Variants in SH3D19 observed in about 807,000 individuals in gnomAD.
The protein encoded by SH3D19 is SH3 domain-containing protein 19.
Under a neutral mutation model 112.1 loss-of-function variants are expected in SH3D19, and 58 were observed. That is an observed-to-expected ratio of 0.52 (90% CI 0.42 to 0.64). SH3D19 has a LOEUF of 0.64. Among genes scored for constraint, SH3D19 ranks in the 30% least tolerant of loss-of-function variants. The pLI is 0.00. For synonymous variants in SH3D19, 391 were observed against 448.5 expected, an observed-to-expected ratio of 0.87 and a Z score of 1.62; for missense variants, 1,090 against 1,263.4, an observed-to-expected ratio of 0.86 and a Z score of 2.08.
rs1312426675 is a variant in SH3D19, at chr4:151,154,121, C to T, written c.1756-4560G>A. 5.4e-5 allele frequency among the ~76,000 whole-genome samples: 8 copies of T among 149,516 alleles called. No individual in the cohort carries two copies. The East Asian group carries it at 1.4e-3, about 25-fold the overall frequency. On this transcript the variant is annotated intron_variant, in intron 9 of 19. Coordinates refer to ENST00000604030, the MANE Select transcript of SH3D19 (RefSeq NM_001378122.1). ...GGATTATAGGCGCATGACACCACAC[C>T]CGGCTGATTTTTTTTTTTTTTTTTT...
chr4:151,132,256 G>A (rs7664483), intron 17 of SH3D19, 75 bp downstream of exon 17: 1,048,234 of 1,236,766 alleles, frequency 0.85, 457,447 homozygotes, highest in Non-Finnish European at 0.91. Flanking sequence ...ATATTCTCTT[G>A]AAAATTATGA....
chr4:151,214,427 A>G, intron 2 of SH3D19, among the ~76,000 whole-genome samples: 1 of 14,098 alleles, frequency 7.1e-5, no homozygotes, highest in Non-Finnish European at 9.2e-4. Context: ...GGCGCCCCTC[A>G]CCTCCCGGAC....
rs187647056 is a variant in SH3D19, at chr4:151,187,991, C to A, written c.153-528G>T. ...CCCAGACTCCCTGTCTCTCTCTCCC[C>A]CTTCTTTCTCTCCCTTTCTCCCCTC... On this transcript the variant is annotated intron_variant, in intron 2 of 19. Transcript: ENST00000604030. Among the ~76,000 whole-genome samples, 11 of 152,252 alleles carry A rather than the reference C, an allele frequency of 7.2e-5. No individual in the cohort carries two copies. In the East Asian group the frequency reaches 1.5e-3, roughly 21 times the overall value.
chr4:151,313,410 T>C (rs1729677287), intron 1 of SH3D19, among the ~76,000 whole-genome samples: 1 of 151,656 alleles, frequency 6.6e-6, no homozygotes, highest in South Asian at 2.1e-4. Context: ...TATGTATTTA[T>C]TTATTTATTT....
chr4:151,122,649 T>C (rs1579581890), intron 19 of SH3D19, among the ~76,000 whole-genome samples: 1 of 152,134 alleles, frequency 6.6e-6, no homozygotes, highest in East Asian at 1.9e-4. Flanking sequence ...ACAGAAAGCA[T>C]GGGATTGCCA....
At chr4:151,216,929 T>C (rs2149924647) in intron 2 of SH3D19, among the ~76,000 whole-genome samples, 1 of 136,162 alleles carries the variant, frequency 7.3e-6, no homozygotes, top group East Asian at 2.1e-4. Context: ...GTGTGTGTAT[T>C]CTCTGTAGGA....
At chr4:151,244,416 C>G (rs548055061) in intron 1 of SH3D19, among the ~76,000 whole-genome samples, 13 of 152,308 alleles carry the variant, frequency 8.5e-5, no homozygotes, top group African/African-American at 1.4e-4. Context: ...GAATCTGCAA[C>G]GAAGTCGGGA....
chr4:151,293,781 G>A (rs187727498), intron 1 of SH3D19, among the ~76,000 whole-genome samples: 9 of 152,204 alleles, frequency 5.9e-5, no homozygotes, highest in East Asian at 1.9e-4. Context: ...TACAAAGTCC[G>A]GCCAATCTGA....
chr4:151,288,784 A>AT (rs894362800), intron 1 of SH3D19, among the ~76,000 whole-genome samples: 2 of 152,236 alleles, frequency 1.3e-5, no homozygotes, highest in African/African-American at 4.8e-5. Context: ...TTTAAAAAGA[A>AT]TAAAATAGGA....
At chr4:151,256,554 A>G (rs1329879036) in intron 1 of SH3D19, among the ~76,000 whole-genome samples, 3 of 152,162 alleles carry the variant, frequency 2.0e-5, no homozygotes, top group Non-Finnish European at 4.4e-5. Flanking sequence ...AAAAATGAGG[A>G]ATGTTTCTCA....
chr4:151,225,785 A>C (rs1768892556), intron 2 of SH3D19, among the ~76,000 whole-genome samples: 1 of 152,238 alleles, frequency 6.6e-6, no homozygotes, highest in Non-Finnish European at 1.5e-5. Context: ...AAAACTAATA[A>C]ATGAGAGTAA....
intron 1 of SH3D19, among the ~76,000 whole-genome samples, chr4:151,241,554 A>C (rs1378451420): frequency 2.1e-5 from 3 of 144,202 alleles, no homozygotes; most frequent in Admixed American, 6.7e-5. Flanking sequence ...CACTTTATTT[A>C]TTTATTTATT....
intron 19 of SH3D19, among the ~76,000 whole-genome samples, chr4:151,127,132 C>T (rs1358740234): frequency 1.3e-5 from 2 of 152,018 alleles, no homozygotes; most frequent in African/African-American, 2.4e-5. Flanking sequence ...AGGATGGTCT[C>T]GATCTCCTGA....
chr4:151,299,064 T>C (rs1211862823), intron 1 of SH3D19, among the ~76,000 whole-genome samples: 2 of 152,228 alleles, frequency 1.3e-5, no homozygotes, highest in Non-Finnish European at 2.9e-5. Flanking sequence ...TTTTAAATGT[T>C]TAAAATCTTG....
intron 1 of SH3D19, among the ~76,000 whole-genome samples, chr4:151,258,219 G>C (rs1047459603): frequency 6.6e-6 from 1 of 152,120 alleles, no homozygotes; most frequent in African/African-American, 2.4e-5. Flanking sequence ...ATACATATTT[G>C]CTACCTAAGG....
chr4:151,305,289 G>A (rs1728817180), intron 1 of SH3D19, among the ~76,000 whole-genome samples: 1 of 152,150 alleles, frequency 6.6e-6, no homozygotes, highest in African/African-American at 2.4e-5. Context: ...TTCTTTCTGA[G>A]GAAGCCCAGA....
intron 2 of SH3D19, among the ~76,000 whole-genome samples, chr4:151,200,202 G>A (rs1182548075): frequency 6.6e-6 from 1 of 151,930 alleles, no homozygotes; most frequent in Non-Finnish European, 1.5e-5. Flanking sequence ...TGTTATAGCA[G>A]CCTGAATGGA....
At chr4:151,127,949 T>C (rs1749775420) in intron 18 of SH3D19, among the ~76,000 whole-genome samples, 1 of 152,226 alleles carries the variant, frequency 6.6e-6, no homozygotes, top group South Asian at 2.1e-4. Context: ...ACGTAAACTA[T>C]ATTTATTAGA....
intron 1 of SH3D19, among the ~76,000 whole-genome samples, chr4:151,256,841 A>C (rs1024243373): frequency 1.1e-4 from 17 of 151,948 alleles, no homozygotes; most frequent in African/African-American, 4.1e-4. Context: ...CCTGGGTTCA[A>C]GCGATTCTCC....
Sources: gnomAD v4.1 joint callset for allele counts (sites outside exome capture counted in the v4.1 genomes callset) on GRCh38, gnomAD v4.1.1 for gene constraint, MANE v1.5 for transcripts, NCBI Gene and HGNC (gene_info 2026-07-23, HGNC 2026-07-21) for gene names.